The following ENTREP2 variants were observed in gnomAD, a reference collection of about 807,000 sequenced individuals.
The protein encoded by ENTREP2 is endosomal transmembrane epsin interactor 2.
chr15:29,348,803 G>A, the ENTREP2 span, among the ~76,000 whole-genome samples: 2 of 152,182 alleles, frequency 1.3e-5, no homozygotes, highest in Non-Finnish European at 1.5e-5. Context: ...AAACCACACA[G>A]TTCCATTTCA....
the ENTREP2 span, among the ~76,000 whole-genome samples, chr15:29,476,171 T>C: frequency 2.0e-5 from 3 of 152,244 alleles, no homozygotes; most frequent in African/African-American, 7.2e-5. Context: ...CTGCAATTCT[T>C]TTCTATCCCC....
chr15:29,516,347 G>C, the ENTREP2 span, among the ~76,000 whole-genome samples: 1 of 152,126 alleles, frequency 6.6e-6, no homozygotes. Flanking sequence ...CAATGGAATA[G>C]AATGTCCACA....
At chr15:29,633,698 C>A in the ENTREP2 span, among the ~76,000 whole-genome samples, 2 of 152,110 alleles carry the variant, frequency 1.3e-5, no homozygotes, top group East Asian at 1.9e-4. Flanking sequence ...CGGTGGCTCA[C>A]GCCTGTAATC....
the ENTREP2 span, among the ~76,000 whole-genome samples, chr15:29,322,635 G>A: frequency 7.9e-5 from 12 of 152,202 alleles, no homozygotes; most frequent in Non-Finnish European, 7.3e-5. Flanking sequence ...CTGTCTCCAC[G>A]AGTGCTGCTC....
the ENTREP2 span, among the ~76,000 whole-genome samples, chr15:29,579,569 G>C: frequency 1.3e-5 from 2 of 149,020 alleles, no homozygotes; most frequent in Non-Finnish European, 3.0e-5. Flanking sequence ...CCTCAGGCTG[G>C]AGTGCAGTGG....
At chr15:29,180,604 C>T in the ENTREP2 span, among the ~76,000 whole-genome samples, 5 of 152,112 alleles carry the variant, frequency 3.3e-5, no homozygotes, top group African/African-American at 1.2e-4. Context: ...ACGGAGGTTG[C>T]AGTGAGCCGA....
chr15:29,413,392 T>C, the ENTREP2 span, among the ~76,000 whole-genome samples: 1 of 152,206 alleles, frequency 6.6e-6, no homozygotes, highest in Non-Finnish European at 1.5e-5. Context: ...CATTTTTATG[T>C]GTTTTTTCTT....
chr15:29,212,469 T>C, the ENTREP2 span, among the ~76,000 whole-genome samples: 1 of 152,194 alleles, frequency 6.6e-6, no homozygotes, highest in Non-Finnish European at 1.5e-5. Context: ...TTTGTTTCAA[T>C]TTCATTTAGT....
the ENTREP2 span, among the ~76,000 whole-genome samples, chr15:29,650,827 A>G: frequency 6.6e-6 from 1 of 152,048 alleles, no homozygotes; most frequent in Non-Finnish European, 1.5e-5. Context: ...TGAGCAACAT[A>G]GCAAGACCCT....
At chr15:29,289,418 T>C in the ENTREP2 span, among the ~76,000 whole-genome samples, 4 of 151,782 alleles carry the variant, frequency 2.6e-5, no homozygotes, top group Non-Finnish European at 5.9e-5. Context: ...CAAGTGCGGG[T>C]GATAATGGGG....
At chr15:29,446,451 A>G in the ENTREP2 span, among the ~76,000 whole-genome samples, 2 of 152,130 alleles carry the variant, frequency 1.3e-5, no homozygotes, top group Admixed American at 1.3e-4. Context: ...GAAGACAGAC[A>G]CGCTACTTGG....
chr15:29,414,521 G>C, the ENTREP2 span, among the ~76,000 whole-genome samples: 1 of 152,100 alleles, frequency 6.6e-6, no homozygotes, highest in African/African-American at 2.4e-5. Flanking sequence ...GAAATTTATA[G>C]CACTAAATGC....
chr15:29,555,518 GTAATTA>G, the ENTREP2 span, among the ~76,000 whole-genome samples: 1 of 152,152 alleles, frequency 6.6e-6, no homozygotes, highest in South Asian at 2.1e-4. Flanking sequence ...TCATTCTATT[GTAATTA>G]TAAGAAAGCC....
chr15:29,379,846 C>T, the ENTREP2 span, among the ~76,000 whole-genome samples: 1 of 152,056 alleles, frequency 6.6e-6, no homozygotes, highest in Non-Finnish European at 1.5e-5. Context: ...ATTCACACAC[C>T]CACTCTGCGG....
At chr15:29,469,041 C>T in the ENTREP2 span, among the ~76,000 whole-genome samples, 75 of 152,270 alleles carry the variant, frequency 4.9e-4, no homozygotes, top group Non-Finnish European at 9.4e-4. Flanking sequence ...GCTGGAAGAG[C>T]ATCCGAGGTG....
At chr15:29,386,466 A>T in the ENTREP2 span, among the ~76,000 whole-genome samples, 3 of 152,204 alleles carry the variant, frequency 2.0e-5, no homozygotes, top group Non-Finnish European at 4.4e-5. Context: ...CTCCGGTTTC[A>T]ACTCTACTAA....
the ENTREP2 span, among the ~76,000 whole-genome samples, chr15:29,405,037 C>T: frequency 1.3e-5 from 2 of 152,326 alleles, no homozygotes; most frequent in African/African-American, 4.8e-5. Flanking sequence ...AAAGCCCTCC[C>T]TGCCTGGACT....
chr15:29,364,297 C>T, the ENTREP2 span, among the ~76,000 whole-genome samples: 46 of 152,160 alleles, frequency 3.0e-4, no homozygotes, highest in African/African-American at 1.1e-3. Flanking sequence ...GCCAGTTGGC[C>T]TGGGCTGGAA....
chr15:29,200,998 C>T, the ENTREP2 span, among the ~76,000 whole-genome samples: 2 of 152,116 alleles, frequency 1.3e-5, no homozygotes, highest in South Asian at 2.1e-4. Context: ...TCTTTTTAAG[C>T]GATTTTTAAT....
Sources: gnomAD v4.1 joint callset for allele counts (sites outside exome capture counted in the v4.1 genomes callset) on GRCh38, gnomAD v4.1.1 for gene constraint, MANE v1.5 for transcripts, NCBI Gene and HGNC (gene_info 2026-07-23, HGNC 2026-07-21) for gene names.